Variants in THRB observed in about 807,000 individuals in gnomAD.
The protein encoded by THRB is thyroid hormone receptor beta.
A neutral mutation model predicts 47.8 loss-of-function variants in THRB; 12 were observed. That is an observed-to-expected ratio of 0.25 (90% CI 0.16 to 0.41). The LOEUF is 0.41. Among genes scored for constraint, THRB ranks in the 10% least tolerant of loss-of-function variants. The pLI, the probability that THRB is intolerant of heterozygous loss-of-function variation, is 1.00. For missense variants in THRB, 348 were observed against 589.2 expected (o/e 0.59, Z 4.24); for synonymous variants, 218 against 212.2 (o/e 1.03, Z -0.24).
chr3:24,290,426 G>A (rs1240826971), intron 3 of THRB, among the ~76,000 whole-genome samples: 1 of 152,118 alleles, frequency 6.6e-6, no homozygotes, highest in Admixed American at 6.6e-5. Flanking sequence ...TAAACAAAAT[G>A]TTCTCTCCAG....
At chr3:24,399,192 C>T (rs1050345103) in intron 1 of THRB, among the ~76,000 whole-genome samples, 14 of 150,230 alleles carry the variant, frequency 9.3e-5, no homozygotes, top group African/African-American at 2.9e-4. Context: ...CAAACCTGCA[C>T]GTTGTGCACA....
intron 4 of THRB, among the ~76,000 whole-genome samples, chr3:24,202,484 A>T (rs2044709396): frequency 2.0e-5 from 3 of 152,312 alleles, no homozygotes; most frequent in African/African-American, 4.8e-5. Context: ...GATGATTTTT[A>T]AAAAGGTTAG....
intron 1 of THRB, among the ~76,000 whole-genome samples, chr3:24,433,837 T>C (rs2070684844): frequency 6.6e-6 from 1 of 152,156 alleles, no homozygotes; most frequent in South Asian, 2.1e-4. Flanking sequence ...TGTACATTAA[T>C]GACATGGGGA....
intron 4 of THRB, among the ~76,000 whole-genome samples, chr3:24,218,340 CTCTTTTTTTTTT>C (rs1385714720): frequency 8.5e-6 from 1 of 117,278 alleles, no homozygotes; most frequent in Non-Finnish European, 1.6e-5. Context: ...CTCTCTCTCT[CTCTTTTTTTTTT>C]TTTTTTTTTT....
intron 1 of THRB, among the ~76,000 whole-genome samples, chr3:24,355,034 T>A (rs1247558070): frequency 6.6e-6 from 1 of 152,044 alleles, no homozygotes; most frequent in African/African-American, 2.4e-5. Context: ...ATAACATATA[T>A]TAATTACAAA....
intron 3 of THRB, among the ~76,000 whole-genome samples, chr3:24,239,403 C>T (rs539513845): frequency 7.8e-4 from 118 of 152,046 alleles, no homozygotes; most frequent in African/African-American, 2.7e-3. Flanking sequence ...AGGAATGCAC[C>T]AGAGCAATTA....
intron 4 of THRB, among the ~76,000 whole-genome samples, chr3:24,198,426 A>G (rs1024538724): frequency 6.9e-6 from 1 of 145,672 alleles, no homozygotes; most frequent in African/African-American, 2.5e-5. Context: ...GCAGAAATAC[A>G]GTAAGTGTTC....
intron 4 of THRB, among the ~76,000 whole-genome samples, chr3:24,215,541 C>T (rs2046469018): frequency 6.6e-6 from 1 of 152,206 alleles, no homozygotes; most frequent in Non-Finnish European, 1.5e-5. Flanking sequence ...AGGACTGAAA[C>T]AGACACTTTT....
intron 1 of THRB, among the ~76,000 whole-genome samples, chr3:24,447,319 T>C: frequency 6.6e-6 from 1 of 152,216 alleles, no homozygotes; most frequent in East Asian, 1.9e-4. Context: ...TCTGTAATGA[T>C]GAACTAGGCT....
rs201707022 is a variant in THRB, at chr3:24,208,055, GACAA to G, written c.23-17725_23-17722del. Among the ~76,000 whole-genome samples, 874 of 152,112 alleles carry G rather than the reference GACAA, an allele frequency of 5.7e-3. 12 individuals are homozygous for G. Among genetic ancestry groups the G allele is most frequent in the African/African-American group, 0.02 (827 of 41,482 alleles). On this transcript the variant is annotated intron_variant, in intron 4 of 10. Transcript: ENST00000646209. ...CAAGCATTCCTATACACCAATAACA[GACAA>G]ACAGAGAGCCAAATCATGAGTGAAC...
At chr3:24,302,150 C>A (rs2056986042) in intron 2 of THRB, among the ~76,000 whole-genome samples, 1 of 152,186 alleles carries the variant, frequency 6.6e-6, no homozygotes, top group African/African-American at 2.4e-5. Context: ...GTACCATTAT[C>A]CACCTATCAT....
chr3:24,220,911 C>T (rs1576032288), intron 4 of THRB, among the ~76,000 whole-genome samples: 1 of 152,158 alleles, frequency 6.6e-6, no homozygotes, highest in Admixed American at 6.5e-5. Context: ...GCTGTGGCGG[C>T]CCTGGGCAAG....
intron 5 of THRB, among the ~76,000 whole-genome samples, chr3:24,175,965 C>T (rs562360975): frequency 2.6e-5 from 4 of 152,140 alleles, no homozygotes; most frequent in Non-Finnish European, 4.4e-5. Flanking sequence ...CCCACTTCCA[C>T]GCTATGCTTT....
At chr3:24,186,647 T>TAA (rs1053222960) in intron 5 of THRB, among the ~76,000 whole-genome samples, 4 of 152,048 alleles carry the variant, frequency 2.6e-5, no homozygotes, top group African/African-American at 9.7e-5. Flanking sequence ...ATATGCAGGT[T>TAA]AAAATAAAAG....
chr3:24,294,088 T>G (rs1474944435), intron 3 of THRB, among the ~76,000 whole-genome samples: 1 of 152,238 alleles, frequency 6.6e-6, no homozygotes, highest in Non-Finnish European at 1.5e-5. Flanking sequence ...TGACACTGTG[T>G]GGCTTGAGAC....
intron 7 of THRB, chr3:24,144,694 A>C (rs2035872770): frequency 6.6e-6 from 1 of 152,188 alleles, no homozygotes; most frequent in African/African-American, 2.4e-5. Flanking sequence ...GAGTCATAGT[A>C]TTTTAGAACT....
At chr3:24,223,193 C>T (rs1220447767) in intron 4 of THRB, among the ~76,000 whole-genome samples, 1 of 152,206 alleles carries the variant, frequency 6.6e-6, no homozygotes, top group African/African-American at 2.4e-5. Flanking sequence ...TTTGCCCCTC[C>T]CTTGCCTCAG....
chr3:24,265,456 T>A (rs2052552640), intron 3 of THRB, among the ~76,000 whole-genome samples: 1 of 152,160 alleles, frequency 6.6e-6, no homozygotes, highest in Non-Finnish European at 1.5e-5. Context: ...TGAGGAAAAA[T>A]TAGTGAGGGA....
chr3:24,394,548 C>T (rs2066810665), intron 1 of THRB, among the ~76,000 whole-genome samples: 1 of 152,100 alleles, frequency 6.6e-6, no homozygotes, highest in African/African-American at 2.4e-5. Flanking sequence ...GATGCTTCGT[C>T]TGCTTTTAAG....
Sources: gnomAD v4.1 joint callset for allele counts (sites outside exome capture counted in the v4.1 genomes callset) on GRCh38, gnomAD v4.1.1 for gene constraint, MANE v1.5 for transcripts, NCBI Gene and HGNC (gene_info 2026-07-23, HGNC 2026-07-21) for gene names.